Variants in FOXN3 observed in about 807,000 individuals in gnomAD.
FOXN3 encodes the protein forkhead box N3, also known as forkhead box protein N3.
Under a neutral mutation model 38.4 loss-of-function variants are expected in FOXN3, and 7 were observed. The observed-to-expected ratio is 0.18, with a 90% CI of 0.10 to 0.34. The LOEUF (loss-of-function observed/expected upper bound fraction) is 0.34, where lower values mean the gene tolerates loss of function less well. FOXN3 is among the 10% of genes least tolerant of loss of function. The pLI, the probability that FOXN3 is intolerant of heterozygous loss-of-function variation, is 1.00. For synonymous variants in FOXN3, 230 were observed against 242.2 expected, an observed-to-expected ratio of 0.95 and a Z score of 0.47; for missense variants, 456 against 613.4, an observed-to-expected ratio of 0.74 and a Z score of 2.71.
intron 1 of FOXN3, among the ~76,000 whole-genome samples, chr14:89,478,865 G>C (rs1231964714): frequency 1.4e-5 from 2 of 141,796 alleles, no homozygotes; most frequent in South Asian, 2.4e-4. Flanking sequence ...CCAGGAGGCG[G>C]AGGTTGCAGT....
intron 1 of FOXN3, among the ~76,000 whole-genome samples, chr14:89,513,946 G>A (rs1018575242): frequency 2.0e-5 from 3 of 150,824 alleles, no homozygotes; most frequent in Non-Finnish European, 3.0e-5. Context: ...ACACACGCAC[G>A]CACACACGCC....
chr14:89,234,826 C>T (rs1884933512), intron 4 of FOXN3, among the ~76,000 whole-genome samples: 1 of 152,164 alleles, frequency 6.6e-6, no homozygotes, highest in African/African-American at 2.4e-5. Flanking sequence ...TTACCCTGAA[C>T]ATGCTTATGT....
At chr14:89,329,855 CAAAAAAAAAAAAAAAAAAAAAAA>C (rs57791098) in intron 3 of FOXN3, among the ~76,000 whole-genome samples, 22 of 59,838 alleles carry the variant, frequency 3.7e-4, no homozygotes, top group African/African-American at 1.1e-3. Context: ...GACTCAGTCT[CAAAAAAAAAAAAAAAAAAAAAAA>C]AAAAAAAAAG....
chr14:89,459,526 A>C (rs1892795102), intron 1 of FOXN3, among the ~76,000 whole-genome samples: 1 of 152,168 alleles, frequency 6.6e-6, no homozygotes. Context: ...CCTGCAGTGG[A>C]CTGGAGCCGA....
At chr14:89,511,161 CTTT>C (rs1566680866) in intron 1 of FOXN3, among the ~76,000 whole-genome samples, 1 of 22,294 alleles carries the variant, frequency 4.5e-5, no homozygotes, top group Non-Finnish European at 3.0e-4. Flanking sequence ...TTCTTTCTTT[CTTT>C]CTTTCTTTCT....
At chr14:89,493,855 C>A (rs1481187741) in intron 1 of FOXN3, 2 of 150,366 alleles carry the variant, frequency 1.3e-5, no homozygotes, top group African/African-American at 4.9e-5. Flanking sequence ...TCTCTACCCC[C>A]CTCCAAAAAA....
intron 2 of FOXN3, among the ~76,000 whole-genome samples, chr14:89,363,961 T>TATATATATATA (rs1890008315): frequency 6.8e-5 from 1 of 14,674 alleles, no homozygotes; most frequent in South Asian, 2.3e-3. Context: ...TATATATATA[T>TATATATATATA]ATATATATAT....
intron 1 of FOXN3, among the ~76,000 whole-genome samples, chr14:89,452,916 A>C (rs1207501301): frequency 2.0e-5 from 3 of 152,188 alleles, no homozygotes; most frequent in African/African-American, 7.2e-5. Context: ...ATGAACTTAA[A>C]GGCCGGGCAC....
chr14:89,351,351 A>G (rs556322332), intron 2 of FOXN3: 1 of 152,350 alleles, frequency 6.6e-6, no homozygotes, highest in South Asian at 2.1e-4. Flanking sequence ...GAATTCTGTA[A>G]TTACCTTCCC....
chr14:89,184,682 T>C (rs1887758484), intron 4 of FOXN3, among the ~76,000 whole-genome samples: 1 of 152,228 alleles, frequency 6.6e-6, no homozygotes, highest in Non-Finnish European at 1.5e-5. Flanking sequence ...TGGGTCTCCA[T>C]TTCCTCACTG....
chr14:89,505,769 C>T (rs1893908302), intron 1 of FOXN3, among the ~76,000 whole-genome samples: 1 of 151,720 alleles, frequency 6.6e-6, no homozygotes, highest in African/African-American at 2.4e-5. Context: ...CTCTGCCTGG[C>T]TGCCCAGTCT....
intron 1 of FOXN3, among the ~76,000 whole-genome samples, chr14:89,475,425 G>A (rs1893191211): frequency 6.6e-6 from 1 of 152,150 alleles, no homozygotes; most frequent in Non-Finnish European, 1.5e-5. Context: ...GGAGGCTGAG[G>A]TGGGAGGATT....
At chr14:89,539,804 T>A (rs781077761) in intron 1 of FOXN3, among the ~76,000 whole-genome samples, 1 of 152,036 alleles carries the variant, frequency 6.6e-6, no homozygotes, top group Non-Finnish European at 1.5e-5. Flanking sequence ...CTCGTTAGGG[T>A]TAGTCCACGG....
At position 89,301,909 on chromosome 14, in the gene FOXN3, C is replaced by T. The variant is rs562419452; in HGVS notation, c.681-20895G>A. 2.8e-4 allele frequency among the ~76,000 whole-genome samples: 43 copies of T among 152,242 alleles called. 1 individual carries two copies. The East Asian group carries it at 8.1e-3, about 29-fold the overall frequency. On this transcript the variant is annotated intron_variant, in intron 3 of 5. Coordinates refer to ENST00000557258, the MANE Select transcript of FOXN3 (RefSeq NM_005197.4). Reference sequence around the variant, plus strand: ...AAGGCCCGGCCCGACCTCAAAGGTACCCTGTCTACTCACTCCTTTCCCGGT... The same window carrying T: ...AAGGCCCGGCCCGACCTCAAAGGTATCCTGTCTACTCACTCCTTTCCCGGT...
At chr14:89,180,894 A>AAGAGAG (rs199793978) in intron 4 of FOXN3, 88 bp from the exon 5 acceptor site, 12 of 615,196 alleles carry the variant, frequency 2.0e-5, no homozygotes, top group African/African-American at 7.5e-5. Context: ...ATAGACCAAT[A>AAGAGAG]AGAGAGAGAG....
intron 2 of FOXN3, among the ~76,000 whole-genome samples, chr14:89,391,649 C>T (rs1890950029): frequency 6.6e-6 from 1 of 152,156 alleles, no homozygotes; most frequent in Non-Finnish European, 1.5e-5. Context: ...CGACAGTCCC[C>T]AAATACAGCC....
chr14:89,257,926 G>T (rs748015996), intron 4 of FOXN3, among the ~76,000 whole-genome samples: 2 of 152,172 alleles, frequency 1.3e-5, no homozygotes, highest in Non-Finnish European at 2.9e-5. Context: ...TTCCTCAGAA[G>T]ACAATGGTGT....
chr14:89,261,745 C>A (rs1469285441), intron 4 of FOXN3, among the ~76,000 whole-genome samples: 1 of 151,880 alleles, frequency 6.6e-6, no homozygotes, highest in Admixed American at 6.6e-5. Flanking sequence ...CTGGCTAACA[C>A]GATGAAACCC....
intron 3 of FOXN3, among the ~76,000 whole-genome samples, chr14:89,329,326 C>A (rs17125698): frequency 0.19 from 29,318 of 152,136 alleles, 3,055 homozygotes; most frequent in African/African-American, 0.27. Flanking sequence ...CCAGAATATC[C>A]ATGGAAAAAG....
Sources: allele counts gnomAD v4.1 joint callset (sites outside exome capture counted in the v4.1 genomes callset), GRCh38; gene constraint gnomAD v4.1.1; transcripts MANE v1.5; gene names NCBI Gene and HGNC (gene_info 2026-07-23, HGNC 2026-07-21).